Variants in CFAP95 observed in about 807,000 individuals in gnomAD.
CFAP95 encodes cilia- and flagella-associated protein 95.
At chr9:69,874,346 C>T in the CFAP95 span, among the ~76,000 whole-genome samples, 7 of 152,148 alleles carry the variant, frequency 4.6e-5, no homozygotes, top group Non-Finnish European at 1.0e-4. Context: ...GGAAGCCAAA[C>T]AATCATCAGA....
the CFAP95 span, among the ~76,000 whole-genome samples, chr9:69,890,661 A>C: frequency 6.6e-6 from 1 of 152,240 alleles, no homozygotes; most frequent in African/African-American, 2.4e-5. Flanking sequence ...ACAGTTCACC[A>C]TTCATTCGGT....
At chr9:69,876,348 C>T in the CFAP95 span, among the ~76,000 whole-genome samples, 1 of 152,026 alleles carries the variant, frequency 6.6e-6, no homozygotes, top group Non-Finnish European at 1.5e-5. Context: ...GCCTGGCCAA[C>T]ATGACAAAAC....
chr9:69,822,290 A>C, the CFAP95 span, among the ~76,000 whole-genome samples: 7 of 152,254 alleles, frequency 4.6e-5, no homozygotes, highest in South Asian at 1.4e-3. Context: ...GCCCGACTTC[A>C]TCCCATTCAT....
At chr9:69,845,479 C>T in the CFAP95 span, among the ~76,000 whole-genome samples, 2 of 152,162 alleles carry the variant, frequency 1.3e-5, no homozygotes, top group Non-Finnish European at 2.9e-5. Context: ...TAGTTTTAGA[C>T]CAGCATTTGA....
At chr9:69,839,468 C>G in the CFAP95 span, among the ~76,000 whole-genome samples, 40 of 152,254 alleles carry the variant, frequency 2.6e-4, no homozygotes, top group African/African-American at 9.1e-4. Context: ...CTTCGTCACC[C>G]AGGCTACCAG....
the CFAP95 span, among the ~76,000 whole-genome samples, chr9:69,887,260 T>C: frequency 6.6e-6 from 1 of 152,210 alleles, no homozygotes. Flanking sequence ...CTGGGAAATA[T>C]GTATGTTAAT....
At chr9:69,856,505 C>A in the CFAP95 span, 1 of 1,064,940 alleles carries the variant, frequency 9.4e-7, no homozygotes, top group Non-Finnish European at 1.4e-6. Context: ...AGTAACTGAC[C>A]ATTTGTAGTG....
chr9:69,871,010 G>A, the CFAP95 span, among the ~76,000 whole-genome samples: 64 of 152,268 alleles, frequency 4.2e-4, no homozygotes, highest in Non-Finnish European at 7.4e-4. Context: ...CCTGAGGCCA[G>A]GAGTTCGAGA....
At chr9:69,867,793 C>T in the CFAP95 span, among the ~76,000 whole-genome samples, 1 of 152,144 alleles carries the variant, frequency 6.6e-6, no homozygotes, top group African/African-American at 2.4e-5. Context: ...TTTGACAGCT[C>T]CAGTGAAGCT....
the CFAP95 span, among the ~76,000 whole-genome samples, chr9:69,839,574 G>A: frequency 2.6e-5 from 4 of 151,830 alleles, no homozygotes; most frequent in South Asian, 4.2e-4. Flanking sequence ...TTACAGGCAC[G>A]TGCCACCGTG....
chr9:69,854,043 C>G, the CFAP95 span, among the ~76,000 whole-genome samples: 1 of 152,182 alleles, frequency 6.6e-6, no homozygotes, highest in South Asian at 2.1e-4. Flanking sequence ...TCTGCAACAC[C>G]AGGCACCCAG....
chr9:69,890,386 A>G, the CFAP95 span, among the ~76,000 whole-genome samples: 1 of 152,152 alleles, frequency 6.6e-6, no homozygotes, highest in East Asian at 1.9e-4. Context: ...ACTTACTTCT[A>G]ATGTCTTTTC....
At chr9:69,874,644 G>A in the CFAP95 span, among the ~76,000 whole-genome samples, 2 of 152,146 alleles carry the variant, frequency 1.3e-5, no homozygotes, top group African/African-American at 4.8e-5. Flanking sequence ...CCCTCCCGCT[G>A]AGGACCAACT....
chr9:69,901,816 G>A, the CFAP95 span, among the ~76,000 whole-genome samples: 21 of 152,252 alleles, frequency 1.4e-4, no homozygotes, highest in African/African-American at 4.8e-4. Context: ...CAGTGTAAAA[G>A]TGTTCCTATT....
the CFAP95 span, among the ~76,000 whole-genome samples, chr9:69,824,889 AT>A: frequency 6.6e-6 from 1 of 152,238 alleles, no homozygotes; most frequent in African/African-American, 2.4e-5. Flanking sequence ...AGTTTATAGA[AT>A]ATAAAGATAG....
At chr9:69,891,316 T>A in the CFAP95 span, among the ~76,000 whole-genome samples, 1 of 152,184 alleles carries the variant, frequency 6.6e-6, no homozygotes, top group African/African-American at 2.4e-5. Flanking sequence ...TCTGTGCTGG[T>A]TGGAAATGAG....
At chr9:69,844,080 A>G in the CFAP95 span, among the ~76,000 whole-genome samples, 1 of 152,194 alleles carries the variant, frequency 6.6e-6, no homozygotes, top group Non-Finnish European at 1.5e-5. Context: ...CACAGGTTAT[A>G]AATCAATATG....
the CFAP95 span, among the ~76,000 whole-genome samples, chr9:69,822,437 A>T: frequency 6.6e-6 from 1 of 152,222 alleles, no homozygotes; most frequent in Non-Finnish European, 1.5e-5. Flanking sequence ...TGAACTCAGT[A>T]TGAGAAGTTA....
At chr9:69,868,076 T>C in the CFAP95 span, among the ~76,000 whole-genome samples, 10 of 152,178 alleles carry the variant, frequency 6.6e-5, no homozygotes, top group African/African-American at 2.4e-4. Flanking sequence ...ATTAAGCCTA[T>C]AGGTATAGTT....
Sources: gnomAD v4.1 joint callset for allele counts (sites outside exome capture counted in the v4.1 genomes callset) on GRCh38, gnomAD v4.1.1 for gene constraint, MANE v1.5 for transcripts, NCBI Gene and HGNC (gene_info 2026-07-23, HGNC 2026-07-21) for gene names.